The following RAB3IP variants were observed in gnomAD, a reference collection of about 807,000 sequenced individuals.
The protein encoded by RAB3IP is rab-3A-interacting protein.
Under a neutral mutation model 59.1 loss-of-function variants are expected in RAB3IP, and 36 were observed. The ratio of observed to expected loss-of-function variants is 0.61; its 90% CI spans 0.47 to 0.80. RAB3IP has a LOEUF of 0.80. RAB3IP is among the 30% of genes least tolerant of loss of function. RAB3IP has a pLI of 0.00. For missense variants in RAB3IP, 511 were observed against 536.0 expected (o/e 0.95, Z 0.46); for synonymous variants, 207 against 191.2 (o/e 1.08, Z -0.68).
intron 1 of RAB3IP, among the ~76,000 whole-genome samples, chr12:69,752,635 T>C (rs1377402097): frequency 1.3e-5 from 2 of 152,218 alleles, no homozygotes; most frequent in Non-Finnish European, 1.5e-5. Flanking sequence ...TCCATAGGAT[T>C]TGTACTATTT....
At chr12:69,805,819 A>G (rs1879171385) in intron 8 of RAB3IP, among the ~76,000 whole-genome samples, 1 of 152,164 alleles carries the variant, frequency 6.6e-6, no homozygotes, top group African/African-American at 2.4e-5. Context: ...TCTTATGTTG[A>G]ACCAGCCTTG....
chr12:69,744,066 A>G (rs1887604531), intron 1 of RAB3IP, among the ~76,000 whole-genome samples: 1 of 152,028 alleles, frequency 6.6e-6, no homozygotes, highest in East Asian at 1.9e-4. Context: ...TACACGTGCC[A>G]TGGTGGTTTG....
chr12:69,751,420 G>A (rs1478618683), intron 1 of RAB3IP, among the ~76,000 whole-genome samples: 2 of 152,136 alleles, frequency 1.3e-5, no homozygotes. Flanking sequence ...ATTACTCTGA[G>A]TACATGGGTG....
At chr12:69,794,941 G>T (rs1228040916) in intron 5 of RAB3IP, among the ~76,000 whole-genome samples, 200 bp from the exon 6 acceptor site, 1 of 152,148 alleles carries the variant, frequency 6.6e-6, no homozygotes, top group Non-Finnish European at 1.5e-5. Flanking sequence ...AGGCTCATTT[G>T]ACGTTGTTAA....
Position 69,801,618 on chromosome 12 carries a change from G to T in RAB3IP, c.1027G>T (p.Ala343Ser). ...TTTCTTTTTTTTTAAGTTGGCTTCA[G>T]CTGTTCTGGAGGCTGTGGAAAACAA... ...LTFSKSELAS[A>S]VLEAVENNTL... The change falls in exon 8 of 11, where the codon GCT becomes TCT. Residue 343 changes from alanine to serine, a missense_variant. Physicochemically the swap from Ala to Ser is moderately conservative, Grantham distance 99. Transcript: ENST00000247833. 6.2e-7 allele frequency: 1 copy of T among 1,606,752 alleles called. No homozygotes were observed. The highest frequency in any genetic ancestry group is 8.5e-7 in the Non-Finnish European group (1 of 1,176,004).
At chr12:69,778,542 G>T (rs1397946635) in intron 3 of RAB3IP, among the ~76,000 whole-genome samples, 1 of 139,276 alleles carries the variant, frequency 7.2e-6, no homozygotes, top group Non-Finnish European at 1.6e-5. Flanking sequence ...CCATCTTTGT[G>T]GTTTTATCTA....
Position 69,784,035 on chromosome 12 carries a change from C to A in RAB3IP, c.511-685C>A, listed in dbSNP as rs192423830. Among the ~76,000 whole-genome samples, 11 of 152,224 alleles carry A rather than the reference C, an allele frequency of 7.2e-5. No homozygotes were observed. The East Asian group carries it at 9.7e-4, about 13-fold the overall frequency. ...ATGTAAGGAGCTTAGATTCTCCCCC[C>A]CTATGTTTGAAAGATTAGTTTAGGG... On this transcript the variant is annotated intron_variant, in intron 3 of 10. Transcript: ENST00000247833.
intron 3 of RAB3IP, among the ~76,000 whole-genome samples, chr12:69,762,197 A>T (rs1197488028): frequency 1.3e-5 from 2 of 152,208 alleles, no homozygotes; most frequent in African/African-American, 4.8e-5. Context: ...AGGTGCAGGG[A>T]TGCCAGAGAT....
chr12:69,814,540 A>C (rs938018170), intron 10 of RAB3IP, among the ~76,000 whole-genome samples: 1 of 151,994 alleles, frequency 6.6e-6, no homozygotes, highest in Non-Finnish European at 1.5e-5. Context: ...GGTCTTGTGC[A>C]TTTGTAAGAT....
intron 3 of RAB3IP, chr12:69,779,201 C>G (rs1362717952): frequency 7.0e-6 from 1 of 143,150 alleles, no homozygotes; most frequent in African/African-American, 2.6e-5. Context: ...TCACCCCTTT[C>G]TTTGACTCGG....
chr12:69,782,204 G>A (rs949187695), intron 3 of RAB3IP, among the ~76,000 whole-genome samples: 2 of 152,018 alleles, frequency 1.3e-5, no homozygotes, highest in East Asian at 1.9e-4. Context: ...TCGCTCTATC[G>A]CCCAGGCTGG....
intron 3 of RAB3IP, among the ~76,000 whole-genome samples, chr12:69,780,894 T>C (rs1301457498): frequency 6.6e-6 from 1 of 152,224 alleles, no homozygotes; most frequent in Non-Finnish European, 1.5e-5. Flanking sequence ...TTAAAAGTTC[T>C]TTATATACTA....
In RAB3IP at chr12:69,817,244, A is replaced by C. The variant is rs1285812618; in HGVS notation, c.*1798A>C. The C allele has an allele frequency of 6.6e-6, 1 of 152,208 alleles. No homozygotes were observed. Among genetic ancestry groups the C allele is most frequent in the Non-Finnish European group, 1.5e-5 (1 of 68,042 alleles). 9.4% of individuals were successfully genotyped at this position (152,208 alleles called of 1,614,324 possible). A position where few individuals can be genotyped will look rare whatever the true frequency, so the allele number is the denominator to read the frequency against. On this transcript the variant is annotated 3_prime_UTR_variant, in exon 11 of 11. Transcript: ENST00000247833. Reference sequence around the variant, plus strand: ...GTATACCCATTAATAATAAATCTTTAGTAATCTATAAGGGGAAGAATGCTT... The same window carrying C: ...GTATACCCATTAATAATAAATCTTTCGTAATCTATAAGGGGAAGAATGCTT...
rs1456514751 is a variant in RAB3IP, at chr12:69,816,968, A to G, written c.*1522A>G. ...GAATGTGAAATTGAACCTGAAAAAAACTTTGAACCTACAATTTTATGTTCT... is the reference window on the plus strand; with the variant it reads ...GAATGTGAAATTGAACCTGAAAAAAGCTTTGAACCTACAATTTTATGTTCT... On this transcript the variant is annotated 3_prime_UTR_variant, in exon 11 of 11. Transcript: ENST00000247833. 6.6e-6 allele frequency: 1 copy of G among 152,224 alleles called. No homozygotes were observed. Among genetic ancestry groups the G allele is most frequent in the African/African-American group, 2.4e-5 (1 of 41,468 alleles). The allele number at this position is 152,224 out of a possible 1,614,324, so 9.4% of individuals were successfully genotyped here.
Position 69,755,696 on chromosome 12 carries a change from A to T in RAB3IP, c.251+37A>T, listed in dbSNP as rs759838656. The T allele has an allele frequency of 7.8e-6, 12 of 1,532,450 alleles. No homozygotes were observed. The African/African-American group carries it at 1.4e-4, about 18-fold the overall frequency. The allele number at this position is 1,532,450 out of a possible 1,614,324, so 94.9% of individuals were successfully genotyped here. On this transcript the variant is annotated intron_variant, in intron 2 of 10. Coordinates refer to ENST00000247833, the MANE Select transcript of RAB3IP (RefSeq NM_022456.5). ...GTAAATCACTTATTTGATTTTTTTT[A>T]AAATGGACAGTTTGCTTAGTTACTA...
At chr12:69,767,543 G>T (rs890412534) in intron 3 of RAB3IP, among the ~76,000 whole-genome samples, 2 of 152,224 alleles carry the variant, frequency 1.3e-5, no homozygotes, top group African/African-American at 4.8e-5. Flanking sequence ...ACCCAGAAGT[G>T]TGCCTAGGCA....
chr12:69,815,330 A>G (rs750502361), intron 10 of RAB3IP, 34 bp from the exon 11 acceptor site: 2 of 1,428,362 alleles, frequency 1.4e-6, no homozygotes, highest in Non-Finnish European at 2.0e-6. Flanking sequence ...ATGGTATTTT[A>G]TGATTTAAAT....
chr12:69,738,948 C>T lies in RAB3IP; in HGVS notation c.-109C>T, dbSNP rs1886956596. The stretch of plus-strand genomic sequence containing the variant: ...AGCGGAAAGGGCTCGCCGTCCTCCT[C>T]CGTTTCTCGCTGCTTCGGGACGCGC... On this transcript the variant is annotated 5_prime_UTR_variant, in exon 1 of 11. Transcript: ENST00000247833. 6.6e-6 allele frequency: 1 copy of T among 152,118 alleles called. No homozygotes were observed. Among genetic ancestry groups the T allele is most frequent in the African/African-American group, 2.4e-5 (1 of 41,436 alleles). 9.4% of individuals were successfully genotyped at this position (152,118 alleles called of 1,614,324 possible).
intron 4 of RAB3IP, among the ~76,000 whole-genome samples, chr12:69,791,850 T>C (rs1876675432): frequency 1.3e-5 from 2 of 152,198 alleles, no homozygotes; most frequent in Middle Eastern, 3.4e-3. Flanking sequence ...TCCTGATGAG[T>C]TATCTGTGCT....
Sources: allele counts gnomAD v4.1 joint callset (sites outside exome capture counted in the v4.1 genomes callset), GRCh38; gene constraint gnomAD v4.1.1; transcripts MANE v1.5; gene names NCBI Gene and HGNC (gene_info 2026-07-23, HGNC 2026-07-21).